Variants in NTRK2 observed in about 807,000 individuals in gnomAD.
The protein encoded by NTRK2 is BDNF/NT-3 growth factors receptor.
In NTRK2, 13 loss-of-function variants were observed where a neutral mutation model predicts 94.5. The ratio of observed to expected loss-of-function variants is 0.14; its 90% CI spans 0.09 to 0.22. The LOEUF (loss-of-function observed/expected upper bound fraction) is 0.22. NTRK2 is among the 10% of genes least tolerant of loss of function. The pLI, the probability that NTRK2 is intolerant of heterozygous loss-of-function variation, is 1.00. For synonymous variants in NTRK2, 372 were observed against 407.4 expected (o/e 0.91, Z 1.05); for missense variants, 639 against 1,071.2 (o/e 0.60, Z 5.63).
chr9:84,966,153 A>T (rs1380216203), intron 17 of NTRK2, among the ~76,000 whole-genome samples: 1 of 152,228 alleles, frequency 6.6e-6, no homozygotes, highest in East Asian at 1.9e-4. Context: ...AGCTTGTGAT[A>T]TCCAACTAAG....
chr9:84,847,728 G>A (rs1398681370), intron 12 of NTRK2, among the ~76,000 whole-genome samples: 1 of 152,146 alleles, frequency 6.6e-6, no homozygotes, highest in Non-Finnish European at 1.5e-5. Flanking sequence ...ATTTATTTAT[G>A]TCTGAGCCAT....
rs565171887 is a variant in NTRK2 at position 84,851,796 on chromosome 9, C to T, written c.1397-9244C>T. Reference sequence around the variant, plus strand: ...CATTTTCTTCCTCCCTTCAAAATTCCATAATACAATGGCAAAAAGTTTCCT... The same window carrying T: ...CATTTTCTTCCTCCCTTCAAAATTCTATAATACAATGGCAAAAAGTTTCCT... On this transcript the variant is annotated intron_variant, in intron 12 of 18. Transcript: ENST00000277120. Among the ~76,000 whole-genome samples the T allele has an allele frequency of 4.6e-5, 7 of 152,188 alleles. No individual in the cohort carries two copies. The South Asian group carries it at 1.5e-3, about 32-fold the overall frequency.
At chr9:84,742,317 T>C (rs373362656) in intron 10 of NTRK2, among the ~76,000 whole-genome samples, 11 of 152,332 alleles carry the variant, frequency 7.2e-5, no homozygotes, top group African/African-American at 2.4e-4. Context: ...TGAAGGTGTT[T>C]GGCTCACAGA....
chr9:84,814,509 T>C (rs963041250), intron 12 of NTRK2: 2 of 1,065,816 alleles, frequency 1.9e-6, no homozygotes, highest in African/African-American at 3.3e-5. Flanking sequence ...TTTTGTTTCA[T>C]TGGTTGTTTC....
At chr9:84,843,148 AG>A (rs1456603579) in intron 12 of NTRK2, among the ~76,000 whole-genome samples, 1 of 152,178 alleles carries the variant, frequency 6.6e-6, no homozygotes, top group African/African-American at 2.4e-5. Flanking sequence ...TAAAGAACTC[AG>A]TAGGTGCTAA....
intron 9 of NTRK2, among the ~76,000 whole-genome samples, chr9:84,728,413 C>T (rs908836772): frequency 6.6e-6 from 1 of 152,130 alleles, no homozygotes; most frequent in Non-Finnish European, 1.5e-5. Flanking sequence ...AATAACTACT[C>T]CAGGATGCTT....
At chr9:84,814,580 C>T in intron 12 of NTRK2, 1 of 1,065,934 alleles carries the variant, frequency 9.4e-7, no homozygotes, top group Non-Finnish European at 1.1e-6. Flanking sequence ...CAAGATACTA[C>T]ACAAGACCTG....
At position 84,705,143 on chromosome 9, in the gene NTRK2, C is replaced by G. The variant is rs1003732383; in HGVS notation, c.360-2701C>G. Among the ~76,000 whole-genome samples the G allele has an allele frequency of 4.6e-4, 70 of 152,094 alleles. 1 individual carries two copies. Among genetic ancestry groups the G allele is most frequent in the Admixed American group, 4.5e-3 (69 of 15,278 alleles). On this transcript the variant is annotated intron_variant, in intron 4 of 18. Transcript: ENST00000277120. ...AAATGCATACAAGATCAGTCTATTTCACTTCGGGTTTTAGGGAAATTTAAA... is the reference window on the plus strand; with the variant it reads ...AAATGCATACAAGATCAGTCTATTTGACTTCGGGTTTTAGGGAAATTTAAA...
chr9:84,747,604 A>G (rs2064205290), intron 11 of NTRK2, among the ~76,000 whole-genome samples: 1 of 150,774 alleles, frequency 6.6e-6, no homozygotes, highest in African/African-American at 2.4e-5. Flanking sequence ...CAGCCTCCCG[A>G]GTAGCTGGGA....
At chr9:84,895,349 A>G (rs1034243454) in intron 14 of NTRK2, among the ~76,000 whole-genome samples, 1 of 152,176 alleles carries the variant, frequency 6.6e-6, no homozygotes, top group African/African-American at 2.4e-5. Flanking sequence ...GCCTTTCATA[A>G]AAGTCTTTGT....
At chr9:84,840,502 C>G (rs2074120258) in intron 12 of NTRK2, among the ~76,000 whole-genome samples, 1 of 152,066 alleles carries the variant, frequency 6.6e-6, no homozygotes, top group Non-Finnish European at 1.5e-5. Flanking sequence ...TCCCCATGTG[C>G]ACTGGCTGGA....
At chr9:84,772,444 C>T (rs1377814400) in intron 12 of NTRK2, among the ~76,000 whole-genome samples, 3 of 152,112 alleles carry the variant, frequency 2.0e-5, no homozygotes, top group Admixed American at 1.3e-4. Context: ...GGCAGGGTTT[C>T]ACCATGTTGG....
chr9:84,996,564 G>A (rs1226651787), intron 17 of NTRK2, among the ~76,000 whole-genome samples: 1 of 152,208 alleles, frequency 6.6e-6, no homozygotes, highest in African/African-American at 2.4e-5. Context: ...TGCCCACACT[G>A]TGTGAATCTT....
rs138223390 is a variant in NTRK2 at position 84,822,260 on chromosome 9, C to T, written c.1397-38780C>T. Among the ~76,000 whole-genome samples the T allele has an allele frequency of 8.5e-3, 1,296 of 152,248 alleles. 15 individuals carry two copies. Among genetic ancestry groups the T allele is most frequent in the African/African-American group, 0.03 (1,235 of 41,526 alleles). On this transcript the variant is annotated intron_variant, in intron 12 of 18. Coordinates refer to ENST00000277120, the MANE Select transcript of NTRK2 (RefSeq NM_006180.6). ...CCTTCTTTTCCCTTGACACTCCTCC[C>T]CCACTGAAGCCTTCTTCTTTTTCTT... is the stretch of plus-strand genomic sequence containing the variant.
intron 4 of NTRK2, among the ~76,000 whole-genome samples, chr9:84,706,183 T>C (rs537049915): frequency 7.0e-4 from 106 of 152,290 alleles, no homozygotes; most frequent in Admixed American, 1.4e-3. Flanking sequence ...GGGTGAGCAC[T>C]TTATACTCAG....
chr9:84,684,514 T>A (rs1244011221), intron 2 of NTRK2, among the ~76,000 whole-genome samples: 1 of 152,310 alleles, frequency 6.6e-6, no homozygotes. Context: ...AGATGTGTGA[T>A]GTTATTTCTG....
intron 9 of NTRK2, among the ~76,000 whole-genome samples, chr9:84,740,075 A>T (rs1442772694): frequency 2.0e-5 from 3 of 152,246 alleles, no homozygotes; most frequent in African/African-American, 7.2e-5. Flanking sequence ...CTAATGGATT[A>T]CTGAGTACTT....
chr9:84,972,835 C>T (rs1328246704), intron 17 of NTRK2, among the ~76,000 whole-genome samples: 1 of 152,152 alleles, frequency 6.6e-6, no homozygotes, highest in Non-Finnish European at 1.5e-5. Flanking sequence ...ATCATATTCT[C>T]ATTTCTATAC....
intron 15 of NTRK2, among the ~76,000 whole-genome samples, chr9:84,945,546 G>C (rs4877892): frequency 0.061 from 9,257 of 152,150 alleles, 360 homozygotes; most frequent in Admixed American, 0.12. Context: ...TTTTTCTACT[G>C]TGAAGTTCAG....
Sources: gnomAD v4.1 joint callset for allele counts (sites outside exome capture counted in the v4.1 genomes callset) on GRCh38, gnomAD v4.1.1 for gene constraint, MANE v1.5 for transcripts, NCBI Gene and HGNC (gene_info 2026-07-23, HGNC 2026-07-21) for gene names.